Variants in ARVCF observed in about 807,000 individuals in gnomAD.
ARVCF encodes the protein ARVCF delta catenin family member.
A neutral mutation model predicts 90.9 loss-of-function variants in ARVCF; 66 were observed. The observed-to-expected ratio is 0.73, with a 90% confidence interval of 0.60 to 0.89. ARVCF has a LOEUF of 0.89. Among genes scored for constraint, ARVCF ranks in the 40% least tolerant of loss-of-function variants. The probability of loss-of-function intolerance (pLI) is 0.00; values close to 1 mark genes in which losing one functional copy is unlikely to be tolerated. For missense variants in ARVCF, 1,469 were observed against 1,382.3 expected, an observed-to-expected ratio of 1.06 and a Z score of -1.00; for synonymous variants, 653 against 603.4, an observed-to-expected ratio of 1.08 and a Z score of -1.21.
Position 19,970,721 on chromosome 22 carries a change from G to A in ARVCF, c.*35C>T. On this transcript the variant is annotated 3_prime_UTR_variant, in exon 20 of 20. Transcript: ENST00000263207. ...CCTTCTTCCACGATCCAAGCCCTAA[G>A]AACAAGAGGCTGGGCCTGGGCCCTG... 4 of 1,286,738 alleles carry A rather than the reference G, an allele frequency of 3.1e-6. No individual in the cohort carries two copies. The highest frequency in any genetic ancestry group is 4.0e-6 in the Non-Finnish European group (4 of 987,994). The allele number at this position is 1,286,738 out of a possible 1,614,324, so 79.7% of individuals were successfully genotyped here.
intron 2 of ARVCF, among the ~76,000 whole-genome samples, chr22:19,998,351 C>A (rs968869688): frequency 6.6e-6 from 1 of 152,240 alleles, no homozygotes; most frequent in Admixed American, 6.5e-5. Flanking sequence ...GACACAAAGC[C>A]CCTTTGAGGG....
In ARVCF at chr22:19,981,299, C is replaced by T. The variant is rs767204635; in HGVS notation, c.808G>A (p.Ala270Thr). ...AGCTCAGGGCCACCCTCGTCATCAG[C>T]GGCCAGGCTGCGCGTGTCATCCTCC... ...GLEDDTRSLA[A>T]DDEGGPELEP... The change falls in exon 5 of 20, where the codon GCT (alanine) becomes ACT (threonine). Residue 270 changes from alanine (A) to threonine (T), a missense_variant. By Grantham distance (58) the Ala-to-Thr change is moderately conservative (BLOSUM62 0). Transcript: ENST00000263207. 1.0e-5 allele frequency: 16 copies of T among 1,591,794 alleles called. No homozygotes were observed. The Admixed American group carries it at 1.1e-4, about 10-fold the overall frequency.
At chr22:19,987,213 G>A (rs1004415739) in intron 3 of ARVCF, 6 of 357,084 alleles carry the variant, frequency 1.7e-5, no homozygotes, top group South Asian at 1.1e-4. Context: ...CGCGGGGGCG[G>A]ATCTGGCGGC....
intron 2 of ARVCF, among the ~76,000 whole-genome samples, chr22:20,003,029 C>A (rs1944498416): frequency 1.3e-5 from 2 of 151,914 alleles, no homozygotes; most frequent in Admixed American, 1.3e-4. Context: ...CAAAAAAAAA[C>A]CTCAATTTGT....
At chr22:20,010,016 G>A (rs1049782689) in intron 2 of ARVCF, among the ~76,000 whole-genome samples, 12 of 152,306 alleles carry the variant, frequency 7.9e-5, no homozygotes, top group Middle Eastern at 3.4e-3. Context: ...CTGGCCTCCA[G>A]GACTATCCTC....
intron 17 of ARVCF, among the ~76,000 whole-genome samples, 187 bp from the exon 18 acceptor site, chr22:19,972,158 T>A (rs1942846032): frequency 6.6e-6 from 1 of 151,968 alleles, no homozygotes; most frequent in African/African-American, 2.4e-5. Context: ...CTCTCCAGAC[T>A]CCCCTCCACT....
chr22:19,973,732 A>G lies in ARVCF; in HGVS notation c.2150T>C (p.Leu717Pro). 6.2e-7 allele frequency: 1 copy of G among 1,609,536 alleles called. No individual in the cohort carries two copies. Reference sequence around the variant, plus strand: ...CACCTTGTCGGTCTCAGACTGCAGCAGTTCCACAAGCACCGGCAGCCCGCG... The same window carrying G: ...CACCTTGTCGGTCTCAGACTGCAGCGGTTCCACAAGCACCGGCAGCCCGCG... The part of the protein sequence containing the change: ...KERGLPVLVE[L>P]LQSETDKVVR... Residue 717 changes from leucine to proline, a missense_variant, in exon 13 of 20, where the codon CTG becomes CCG. Coordinates refer to ENST00000263207, the MANE Select transcript of ARVCF (RefSeq NM_001670.3).
chr22:20,016,411 C>T (rs2146546612), intron 1 of ARVCF, among the ~76,000 whole-genome samples, 178 bp downstream of exon 1: 1 of 152,128 alleles, frequency 6.6e-6, no homozygotes, highest in Admixed American at 6.5e-5. Flanking sequence ...GCGGGTGGGG[C>T]GGAGATTGGC....
chr22:19,983,781 G>C (rs1489956904), intron 3 of ARVCF: 1 of 152,290 alleles, frequency 6.6e-6, no homozygotes, highest in Non-Finnish European at 1.5e-5. Flanking sequence ...TAGGTGGAAT[G>C]CCTGCTGTGG....
chr22:19,967,480 T>A (rs1942478786), downstream of ARVCF: 1 of 442,296 alleles, frequency 2.3e-6, no homozygotes, highest in Non-Finnish European at 4.6e-6. Flanking sequence ...TCCCCTGACC[T>A]CACTGACCTT....
At position 19,970,510 on chromosome 22, in the gene ARVCF, A is replaced by G; in HGVS notation, c.*246T>C. The G allele has an allele frequency of 3.8e-6, 4 of 1,061,066 alleles. No homozygotes were observed. The South Asian group carries it at 9.0e-5, about 24-fold the overall frequency. 65.7% of individuals were successfully genotyped at this position (1,061,066 alleles called of 1,614,324 possible). The stretch of plus-strand genomic sequence containing the variant: ...AGTCGGCCTCCTCGGGCCTTCTGTC[A>G]CTCGCTCACACACAGCACCATGTCA... On this transcript the variant is annotated 3_prime_UTR_variant, in exon 20 of 20. Transcript: ENST00000263207.
Position 19,981,512 on chromosome 22 carries a change from G to T in ARVCF, c.595C>A (p.Pro199Thr). The T allele has an allele frequency of 6.4e-7, 1 of 1,567,096 alleles. No homozygotes were observed. ...CCTCGGGACAGGCTGCCATAGCTGGGGCTGTCCCGGGGCTCGGGGCCTTCG... is the reference window on the plus strand; with the variant it reads ...CCTCGGGACAGGCTGCCATAGCTGGTGCTGTCCCGGGGCTCGGGGCCTTCG... ...FPEGPEPRDS[P>T]SYGSLSRGLG... is the part of the protein sequence containing the mutation. The change falls in exon 5 of 20, where the codon CCC becomes ACC. Residue 199 changes from proline to threonine, a missense_variant. By Grantham distance (38) the Pro-to-Thr change is conservative. Transcript: ENST00000263207.
rs1216210756 is a variant in ARVCF at position 19,973,784 on chromosome 22, A to T, written c.2098T>A (p.Tyr700Asn). The change falls in exon 13 of 20, where the codon TAC becomes AAC. Residue 700 changes from tyrosine to asparagine, a missense_variant. Tyr to Asn is a moderately radical substitution (Grantham distance 143, BLOSUM62 -2). Transcript: ENST00000263207. ...TCTTTGCGCACTGTGGCGCGGATGT[A>T]CGTGGCCCACTGCGGAGGCGGGGAG... ...LSAGNWMWAT[Y>N]IRATVRKERG... 1.2e-6 allele frequency: 2 copies of T among 1,605,292 alleles called. No homozygotes were observed. Among genetic ancestry groups the T allele is most frequent in the Non-Finnish European group, 1.7e-6 (2 of 1,179,072 alleles).
chr22:19,969,849 G>A, downstream of ARVCF: 1 of 985,382 alleles, frequency 1.0e-6, no homozygotes, highest in Non-Finnish European at 1.2e-6. Flanking sequence ...CGACACAAGG[G>A]AGAAGCCAGC....
intron 2 of ARVCF, among the ~76,000 whole-genome samples, chr22:20,004,526 G>A (rs1399219365): frequency 6.6e-6 from 1 of 151,774 alleles, no homozygotes; most frequent in East Asian, 1.9e-4. Context: ...CAATGACATT[G>A]TTTGCAGAAA....
chr22:19,986,543 G>A (rs530578980), intron 3 of ARVCF: 1 of 152,718 alleles, frequency 6.5e-6, no homozygotes, highest in South Asian at 2.1e-4. Flanking sequence ...AGGCAGAGAA[G>A]ACTTCCATTA....
At chr22:20,011,609 G>A in intron 1 of ARVCF, among the ~76,000 whole-genome samples, 1 of 152,162 alleles carries the variant, frequency 6.6e-6, no homozygotes, top group East Asian at 1.9e-4. Context: ...AAGAACTGGG[G>A]ACCAAGCCAG....
intron 2 of ARVCF, among the ~76,000 whole-genome samples, chr22:20,002,410 G>C (rs1034750691): frequency 6.6e-6 from 1 of 152,144 alleles, no homozygotes; most frequent in Non-Finnish European, 1.5e-5. Context: ...CTGCTGCCTG[G>C]CTCCCGTCTC....
intron 2 of ARVCF, among the ~76,000 whole-genome samples, chr22:19,998,004 G>A (rs904213487): frequency 1.2e-4 from 18 of 152,336 alleles, no homozygotes; most frequent in African/African-American, 4.3e-4. Context: ...CTCTGGGGTG[G>A]GCACAGGGAC....
Sources: allele counts gnomAD v4.1 joint callset (sites outside exome capture counted in the v4.1 genomes callset), GRCh38; gene constraint gnomAD v4.1.1; transcripts MANE v1.5; gene names NCBI Gene and HGNC (gene_info 2026-07-23, HGNC 2026-07-21).